GNG7: variants seen among roughly 807,000 people sequenced by gnomAD.
GNG7 encodes the protein G protein subunit gamma 7, also known as guanine nucleotide-binding protein G(I)/G(S)/G(O) subunit gamma-7.
In GNG7, 1 loss-of-function variant was observed where a neutral mutation model predicts 4.0. The observed-to-expected ratio is 0.25, with a 90% CI of 0.09 to 1.18. The LOEUF (loss-of-function observed/expected upper bound fraction) is 1.18, where lower values mean the gene tolerates loss of function less well. GNG7 is among the 50% of genes most tolerant of loss of function. GNG7 has a pLI of 0.50. For missense variants in GNG7, 86 were observed against 91.9 expected (o/e 0.94, Z 0.26); for synonymous variants, 34 against 36.9 (o/e 0.92, Z 0.29).
chr19:2,682,999 G>C lies in GNG7; in HGVS notation c.-135+19647C>G, dbSNP rs534365901. Among the ~76,000 whole-genome samples, 5 of 151,618 alleles carry C rather than the reference G, an allele frequency of 3.3e-5. No homozygotes were observed. In the South Asian group the frequency reaches 1.0e-3, roughly 32 times the overall value. ...TGTAATCCCAGCACTTTGGGAGTCCGAGGCGGGCAGATCACGAGGTCAGGA... is the reference window on the plus strand; with the variant it reads ...TGTAATCCCAGCACTTTGGGAGTCCCAGGCGGGCAGATCACGAGGTCAGGA... On this transcript the variant is annotated intron_variant, in intron 1 of 4. Coordinates refer to ENST00000382159, the MANE Select transcript of GNG7 (RefSeq NM_052847.3).
At chr19:2,553,814 A>ACATATATGTACATATATGTAATATTG (rs1979447488) in intron 3 of GNG7, among the ~76,000 whole-genome samples, 1 of 110,574 alleles carries the variant, frequency 9.0e-6, no homozygotes, top group African/African-American at 3.1e-5. Context: ...GTAATATATC[A>ACATATATGTACATATATGTAATATTG]CATACATGTA....
chr19:2,582,656 A>ATTT lies in GNG7; in HGVS notation c.-77-27471_-77-27469dup, dbSNP rs35625825. Among the ~76,000 whole-genome samples, 754 of 86,110 alleles carry ATTT rather than the reference A, an allele frequency of 8.8e-3. 43 individuals are homozygous for ATTT. Among genetic ancestry groups the ATTT allele is most frequent in the African/African-American group, 0.024 (549 of 22,756 alleles). The allele number at this position is 86,110 out of a possible 152,430, so 56.5% of individuals were successfully genotyped here. On this transcript the variant is annotated intron_variant, in intron 2 of 4. Coordinates refer to ENST00000382159, the MANE Select transcript of GNG7 (RefSeq NM_052847.3). Reference sequence around the variant, plus strand: ...TGCCACCATGGCTGGCTAATTGTTAATTTTTTTTTTTTTTTTTTTTTTTTT... The same window carrying ATTT: ...TGCCACCATGGCTGGCTAATTGTTAATTTTTTTTTTTTTTTTTTTTTTTTTTTT...
In GNG7 at chr19:2,520,148, T is replaced by A. The variant is rs546318720; in HGVS notation, c.81+460A>T. On this transcript the variant is annotated intron_variant, in intron 4 of 4. Transcript: ENST00000382159. ...GTGAGCCGAGATCGCGCCACTGCAC[T>A]CCAGCCTGGGTGACAGAGCAAGACT... Among the ~76,000 whole-genome samples, 453 of 152,288 alleles carry A rather than the reference T, an allele frequency of 3.0e-3. 2 individuals are homozygous for A. Among genetic ancestry groups the A allele is most frequent in the Non-Finnish European group, 5.1e-3 (346 of 68,030 alleles).
chr19:2,528,243 C>A (rs1213534694), intron 3 of GNG7, among the ~76,000 whole-genome samples: 2 of 142,384 alleles, frequency 1.4e-5, no homozygotes, highest in East Asian at 4.2e-4. Context: ...TGCACTCCGG[C>A]CTGGGTGACA....
chr19:2,687,619 A>C (rs552759159), intron 1 of GNG7, among the ~76,000 whole-genome samples: 2 of 152,086 alleles, frequency 1.3e-5, no homozygotes, highest in Admixed American at 1.3e-4. Context: ...TCCATCTCAA[A>C]AAACAAACAA....
intron 2 of GNG7, among the ~76,000 whole-genome samples, chr19:2,560,652 C>A (rs1198686821): frequency 6.6e-6 from 1 of 151,972 alleles, no homozygotes; most frequent in Admixed American, 6.6e-5. Flanking sequence ...CTGGGGGGAC[C>A]CTGAATTCAT....
At chr19:2,515,824 G>C (rs978359203) in intron 4 of GNG7, among the ~76,000 whole-genome samples, 2 of 152,026 alleles carry the variant, frequency 1.3e-5, no homozygotes, top group Non-Finnish European at 2.9e-5. Flanking sequence ...GGCTGATGGG[G>C]GACAGGGTTT....
chr19:2,678,703 A>G (rs1293808368), intron 1 of GNG7, among the ~76,000 whole-genome samples: 2 of 152,028 alleles, frequency 1.3e-5, no homozygotes, highest in African/African-American at 2.4e-5. Flanking sequence ...CATCACCTCC[A>G]ACCCTGATTC....
At chr19:2,664,678 C>A (rs979738025) in intron 1 of GNG7, among the ~76,000 whole-genome samples, 1 of 152,218 alleles carries the variant, frequency 6.6e-6, no homozygotes, top group Admixed American at 6.5e-5. Context: ...CCGGCTGACA[C>A]CGTCTGCCCC....
chr19:2,528,883 G>A (rs967647631), intron 3 of GNG7, among the ~76,000 whole-genome samples: 3 of 152,244 alleles, frequency 2.0e-5, no homozygotes, highest in African/African-American at 7.2e-5. Context: ...CCCTCTTCCA[G>A]GGACCTGTGG....
chr19:2,575,892 GACACGCAGGC>G lies in GNG7; in HGVS notation c.-77-20714_-77-20705del, dbSNP rs1435263076. Among the ~76,000 whole-genome samples, 4 of 148,372 alleles carry G rather than the reference GACACGCAGGC, an allele frequency of 2.7e-5. No homozygotes were observed. In the East Asian group the frequency reaches 6.1e-4, roughly 23 times the overall value. Reference sequence around the variant, plus strand: ...ACACAGGCACACGCAGGCACACGCAGACACGCAGGCACACGCAGGCATACACAGACACACA... The same window carrying G: ...ACACAGGCACACGCAGGCACACGCAGACACGCAGGCATACACAGACACACA... On this transcript the variant is annotated intron_variant, in intron 2 of 4. Transcript: ENST00000382159.
At chr19:2,553,185 G>A (rs1979392077) in intron 3 of GNG7, among the ~76,000 whole-genome samples, 1 of 149,818 alleles carries the variant, frequency 6.7e-6, no homozygotes, top group Non-Finnish European at 1.5e-5. Context: ...AACGAAAGGA[G>A]GACATTACTA....
intron 2 of GNG7, among the ~76,000 whole-genome samples, chr19:2,637,234 C>T (rs1242457897): frequency 2.6e-5 from 4 of 151,756 alleles, no homozygotes; most frequent in African/African-American, 4.8e-5. Flanking sequence ...CGAGCCCGGC[C>T]CGTCTTTGCT....
chr19:2,582,252 G>A (rs867528237), intron 2 of GNG7, among the ~76,000 whole-genome samples: 1 of 152,104 alleles, frequency 6.6e-6, no homozygotes, highest in Non-Finnish European at 1.5e-5. Context: ...CTGTAGTTAT[G>A]GAAGATATCA....
intron 2 of GNG7, among the ~76,000 whole-genome samples, chr19:2,597,804 G>A (rs559664532): frequency 2.0e-5 from 3 of 150,772 alleles, no homozygotes; most frequent in East Asian, 3.9e-4. Context: ...GCTGAGGCAG[G>A]AGAATGGCGT....
At chr19:2,518,248 C>CG (rs1325837286) in intron 4 of GNG7, among the ~76,000 whole-genome samples, 1 of 151,918 alleles carries the variant, frequency 6.6e-6, no homozygotes, top group Admixed American at 6.6e-5. Context: ...CTGGCTCCCC[C>CG]CGAGGCCCGA....
At position 2,626,762 on chromosome 19, in the gene GNG7, C is replaced by A. The variant is rs961399702; in HGVS notation, c.-78+19462G>T. 6.6e-6 allele frequency among the ~76,000 whole-genome samples: 1 copy of A among 152,078 alleles called. No individual in the cohort carries two copies. Among genetic ancestry groups the A allele is most frequent in the African/African-American group, 2.4e-5 (1 of 41,410 alleles). On this transcript the variant is annotated intron_variant, in intron 2 of 4. Transcript: ENST00000382159. This position sits in a 1 kb window ranked among gnomAD's most constrained non-coding sequence, Gnocchi z 5.0. Reference sequence around the variant, plus strand: ...CGGGGGACATCTGTAATTGTCATGACGGAGGGAAGTGGGACCTTCCCTGAC... The same window carrying A: ...CGGGGGACATCTGTAATTGTCATGAAGGAGGGAAGTGGGACCTTCCCTGAC...
rs900795823 is a variant in GNG7 at position 2,618,185 on chromosome 19, G to A, written c.-78+28039C>T. On this transcript the variant is annotated intron_variant, in intron 2 of 4. Coordinates refer to ENST00000382159, the MANE Select transcript of GNG7 (RefSeq NM_052847.3). The surrounding 1 kb of genome is among the most constrained non-coding windows in gnomAD (Gnocchi z 5.1). ...GTCGGGTCAATATTTGCGACTGACC[G>A]ACGGGTTGGCCTTCCATCTACTCTT... 6.6e-6 allele frequency among the ~76,000 whole-genome samples: 1 copy of A among 152,084 alleles called. No individual in the cohort carries two copies. Among genetic ancestry groups the A allele is most frequent in the Non-Finnish European group, 1.5e-5 (1 of 68,020 alleles).
intron 2 of GNG7, among the ~76,000 whole-genome samples, chr19:2,582,640 G>A (rs1356561752): frequency 6.8e-6 from 1 of 148,088 alleles, no homozygotes; most frequent in Non-Finnish European, 1.5e-5. Flanking sequence ...ATGCCACCAT[G>A]GCTGGCTAAT....
Sources: allele counts gnomAD v4.1 joint callset (sites outside exome capture counted in the v4.1 genomes callset), GRCh38; gene constraint gnomAD v4.1.1; non-coding constraint Gnocchi (gnomAD v3.1); transcripts MANE v1.5; gene names NCBI Gene and HGNC (gene_info 2026-07-23, HGNC 2026-07-21).